CALD1: variants seen among roughly 807,000 people sequenced by gnomAD.
CALD1 encodes caldesmon 1.
In CALD1, 33 loss-of-function variants were observed where a neutral mutation model predicts 99.9. That is an observed-to-expected ratio of 0.33 (90% CI 0.25 to 0.44). CALD1 has a LOEUF of 0.44. Among genes scored for constraint, CALD1 ranks in the 20% least tolerant of loss-of-function variants. CALD1 has a pLI of 1.00. For synonymous variants in CALD1, 310 were observed against 325.0 expected (o/e 0.95, Z 0.50); for missense variants, 861 against 962.1 (o/e 0.89, Z 1.39).
chr7:134,849,519 T>C (rs2132208588), intron 2 of CALD1, among the ~76,000 whole-genome samples: 1 of 152,334 alleles, frequency 6.6e-6, no homozygotes, highest in Admixed American at 6.5e-5. Flanking sequence ...CTCTAACACC[T>C]AATAAAATGT....
chr7:134,719,008 A>G, the CALD1 span, among the ~76,000 whole-genome samples: 12 of 152,226 alleles, frequency 7.9e-5, no homozygotes, highest in African/African-American at 2.9e-4. Flanking sequence ...TGTACACTAT[A>G]GAGTATTATC....
chr7:134,830,725 C>G (rs144977582), intron 1 of CALD1, among the ~76,000 whole-genome samples: 373 of 152,282 alleles, frequency 2.4e-3, no homozygotes, highest in African/African-American at 8.7e-3. Flanking sequence ...ATCCATGTCC[C>G]TGAGAAGGAT....
In CALD1 at chr7:134,790,327, C is replaced by T. The variant is rs569758711; in HGVS notation, c.-130+10578C>T. On this transcript the variant is annotated intron_variant, in intron 1 of 14. Coordinates refer to ENST00000361675, the MANE Select transcript of CALD1 (RefSeq NM_033138.4). Reference sequence around the variant, plus strand: ...TACTAGCTATGTGACAGGCACTGTTCTGGTTGAGGACTGCTCTCTCAGAGC... The same window carrying T: ...TACTAGCTATGTGACAGGCACTGTTTTGGTTGAGGACTGCTCTCTCAGAGC... Among the ~76,000 whole-genome samples, 295 of 152,244 alleles carry T rather than the reference C, an allele frequency of 1.9e-3. 4 individuals carry two copies. Among genetic ancestry groups the T allele is most frequent in the African/African-American group, 6.4e-3 (265 of 41,544 alleles).
chr7:134,770,148 G>C (rs1796865543), intron 1 of CALD1, among the ~76,000 whole-genome samples: 1 of 151,968 alleles, frequency 6.6e-6, no homozygotes, highest in Non-Finnish European at 1.5e-5. Context: ...AACCTTAGTG[G>C]CTTACAACAG....
chr7:134,784,518 T>TCA (rs1797232413), intron 1 of CALD1, among the ~76,000 whole-genome samples: 1 of 152,084 alleles, frequency 6.6e-6, no homozygotes, highest in Non-Finnish European at 1.5e-5. Context: ...GACAGCCAGG[T>TCA]GAGTAAAGAA....
At chr7:134,805,458 C>T (rs1798099142) in intron 1 of CALD1, among the ~76,000 whole-genome samples, 1 of 152,116 alleles carries the variant, frequency 6.6e-6, no homozygotes, top group Non-Finnish European at 1.5e-5. Context: ...TCCTGATCCT[C>T]TTTCATAGAT....
At chr7:134,860,361 TG>T (rs1375750757) in intron 2 of CALD1, among the ~76,000 whole-genome samples, 1 of 152,214 alleles carries the variant, frequency 6.6e-6, no homozygotes, top group Non-Finnish European at 1.5e-5. Flanking sequence ...AAAGTTCATT[TG>T]GTACAGTCGG....
chr7:134,749,227 A>G (rs1562988200), intron 1 of CALD1, among the ~76,000 whole-genome samples: 1 of 152,194 alleles, frequency 6.6e-6, no homozygotes, highest in Non-Finnish European at 1.5e-5. Flanking sequence ...GAAAAGAGAA[A>G]AGGGACTTAT....
At chr7:134,799,787 A>C (rs575721431) in intron 1 of CALD1, among the ~76,000 whole-genome samples, 19 of 152,336 alleles carry the variant, frequency 1.2e-4, no homozygotes, top group South Asian at 6.2e-4. Flanking sequence ...TACCATGACA[A>C]TAATCAGGCA....
chr7:134,938,681 T>C (rs1310954902), intron 6 of CALD1, among the ~76,000 whole-genome samples: 1 of 152,212 alleles, frequency 6.6e-6, no homozygotes, highest in Non-Finnish European at 1.5e-5. Context: ...ACTTTATTTA[T>C]TCATTTCCCA....
chr7:134,856,362 T>C (rs1001162059), intron 2 of CALD1, among the ~76,000 whole-genome samples: 4 of 152,190 alleles, frequency 2.6e-5, no homozygotes, highest in Non-Finnish European at 2.9e-5. Flanking sequence ...ATAAAAGTCC[T>C]GTAGCCAATG....
At chr7:134,936,945 A>C (rs1584616311) in intron 6 of CALD1, among the ~76,000 whole-genome samples, 1 of 152,366 alleles carries the variant, frequency 6.6e-6, no homozygotes, top group East Asian at 1.9e-4. Flanking sequence ...ACATGTTGGG[A>C]AATACTTTTC....
In CALD1 at chr7:134,948,684, A is replaced by G. The variant is rs369700518; in HGVS notation, c.1794+915A>G. ...CCCATCATTCAAAATATGAAGAAAA[A>G]AAAAGACTTTCAATGGCATTTTGAC... On this transcript the variant is annotated intron_variant, in intron 8 of 14. Transcript: ENST00000361675. Among the ~76,000 whole-genome samples, 190 of 152,280 alleles carry G rather than the reference A, an allele frequency of 1.2e-3. 2 individuals are homozygous for G. In the South Asian group the frequency reaches 0.039, roughly 31 times the overall value.
the CALD1 span, among the ~76,000 whole-genome samples, chr7:134,711,695 T>C: frequency 2.5e-5 from 3 of 120,788 alleles, no homozygotes; most frequent in Non-Finnish European, 5.1e-5. Context: ...TGTGTGTGTG[T>C]GTGTGTGTGT....
intron 1 of CALD1, among the ~76,000 whole-genome samples, chr7:134,767,959 C>T (rs1288956445): frequency 3.3e-5 from 5 of 152,246 alleles, no homozygotes; most frequent in African/African-American, 1.2e-4. Context: ...CACAGCTTTG[C>T]ATGACTCAGA....
chr7:134,737,981 T>C, the CALD1 span, among the ~76,000 whole-genome samples: 65,842 of 152,042 alleles, frequency 0.43, 15,103 homozygotes, highest in East Asian at 0.67. Context: ...TTTTGAAAGA[T>C]GTTTTTTTCC....
intron 9 of CALD1, among the ~76,000 whole-genome samples, 170 bp downstream of exon 9, chr7:134,950,684 G>A (rs1241832467): frequency 2.0e-5 from 3 of 152,130 alleles, no homozygotes; most frequent in Non-Finnish European, 2.9e-5. Flanking sequence ...GGCCAGGCAC[G>A]GTGGCTCATG....
chr7:134,950,556 G>A, intron 9 of CALD1, 42 bp downstream of exon 9: 1 of 1,535,192 alleles, frequency 6.5e-7, no homozygotes, highest in Non-Finnish European at 9.0e-7. Flanking sequence ...ATATGATAGA[G>A]ACTGGATTTT....
intron 7 of CALD1, among the ~76,000 whole-genome samples, chr7:134,942,466 C>T (rs1563118413): frequency 6.6e-6 from 1 of 152,034 alleles, no homozygotes. Flanking sequence ...AAAAGGTGTA[C>T]ATAAAAGATC....
Sources: allele counts gnomAD v4.1 joint callset (sites outside exome capture counted in the v4.1 genomes callset), GRCh38; gene constraint gnomAD v4.1.1; transcripts MANE v1.5; gene names NCBI Gene and HGNC (gene_info 2026-07-23, HGNC 2026-07-21).